Variants in AMBRA1 observed in about 807,000 individuals in gnomAD.
The protein encoded by AMBRA1 is activating molecule in BECN1-regulated autophagy protein 1.
AMBRA1 carries 47 observed loss-of-function variants against 125.4 expected under a neutral mutation model. The ratio of observed to expected loss-of-function variants is 0.37; its 90% CI spans 0.30 to 0.48. The LOEUF (loss-of-function observed/expected upper bound fraction) is 0.48, where lower values mean the gene tolerates loss of function less well. Ranked by LOEUF, AMBRA1 falls within the 20% of genes least tolerant of loss-of-function variation. The probability of loss-of-function intolerance (pLI) is 0.99; values close to 1 mark genes in which losing one functional copy is unlikely to be tolerated. For missense variants in AMBRA1, 1,331 were observed against 1,693.4 expected (o/e 0.79, Z 3.76); for synonymous variants, 626 against 655.5 (o/e 0.95, Z 0.69).
intron 14 of AMBRA1, chr11:46,429,065 A>C: frequency 6.2e-7 from 1 of 1,610,518 alleles, no homozygotes; most frequent in African/African-American, 1.3e-5. Flanking sequence ...GTGCTTAGGC[A>C]TGTGGACATC....
At chr11:46,583,401 G>A (rs1379816559) in intron 1 of AMBRA1, among the ~76,000 whole-genome samples, 2 of 151,762 alleles carry the variant, frequency 1.3e-5, no homozygotes, top group Admixed American at 1.3e-4. Flanking sequence ...AAAAACGCTA[G>A]AAGAAAACCT....
intron 7 of AMBRA1, among the ~76,000 whole-genome samples, chr11:46,534,365 G>A (rs1455252409): frequency 6.6e-6 from 1 of 151,876 alleles, no homozygotes; most frequent in Non-Finnish European, 1.5e-5. Context: ...CGTGGTGGCA[G>A]GCGCCTGTAA....
intron 1 of AMBRA1, among the ~76,000 whole-genome samples, chr11:46,564,541 TATAC>T (rs1157832481): frequency 6.6e-6 from 1 of 151,798 alleles, no homozygotes; most frequent in East Asian, 1.9e-4. Context: ...CTCTAACCAT[TATAC>T]AATACTGCTT....
chr11:46,451,629 G>GA (rs1278130811), intron 11 of AMBRA1, among the ~76,000 whole-genome samples: 1 of 151,906 alleles, frequency 6.6e-6, no homozygotes, highest in Non-Finnish European at 1.5e-5. Flanking sequence ...TGCAAAGAAG[G>GA]AAATGATTAA....
Position 46,542,864 on chromosome 11 carries a change from T to A in AMBRA1, c.1153A>T (p.Asn385Tyr). 1 of 1,613,298 alleles carries A rather than the reference T, an allele frequency of 6.2e-7. No individual in the cohort carries two copies. Among genetic ancestry groups the A allele is most frequent in the South Asian group, 1.1e-5 (1 of 91,036 alleles). The change falls in exon 7 of 18, where the codon AAC (asparagine) becomes TAC (tyrosine). Residue 385 changes from asparagine to tyrosine, a missense_variant. Transcript: ENST00000683756. The surrounding 1 kb of genome is among the most constrained non-coding windows in gnomAD (Gnocchi z 5.9). ...QSSTAGNTLR[N>Y]LSLGPTRRSL... ...CGGCGGGTAGGACCCAGACTGAGGTTGCGGAGCGTGTTGCCGGCAGTGCTG... is the reference window on the plus strand; with the variant it reads ...CGGCGGGTAGGACCCAGACTGAGGTAGCGGAGCGTGTTGCCGGCAGTGCTG...
chr11:46,471,814 G>GCC (rs1198279843), intron 11 of AMBRA1, among the ~76,000 whole-genome samples: 5 of 151,776 alleles, frequency 3.3e-5, no homozygotes, highest in African/African-American at 9.7e-5. Flanking sequence ...TTTTAGTAGA[G>GCC]ATGGGGTTTC....
intron 11 of AMBRA1, among the ~76,000 whole-genome samples, chr11:46,448,710 C>A (rs145536763): frequency 1.1e-4 from 17 of 151,576 alleles, no homozygotes; most frequent in Non-Finnish European, 2.2e-4. Flanking sequence ...AGGCCAACTA[C>A]GAAAAAAGAG....
chr11:46,436,926 G>A (rs2136722895), intron 12 of AMBRA1, among the ~76,000 whole-genome samples: 1 of 152,246 alleles, frequency 6.6e-6, no homozygotes, highest in South Asian at 2.1e-4. Flanking sequence ...AGACTCTATG[G>A]GCTTTAAGAC....
At chr11:46,544,969 A>C (rs1280430103) in intron 5 of AMBRA1, among the ~76,000 whole-genome samples, 2 of 151,780 alleles carry the variant, frequency 1.3e-5, no homozygotes, top group Non-Finnish European at 1.5e-5. Context: ...CTACGAAAAA[A>C]TTTAAAAATT....
At chr11:46,450,792 T>C (rs1948550927) in intron 11 of AMBRA1, among the ~76,000 whole-genome samples, 1 of 152,198 alleles carries the variant, frequency 6.6e-6, no homozygotes, top group Non-Finnish European at 1.5e-5. Flanking sequence ...TACTACAATG[T>C]TGGATACATG....
chr11:46,474,519 G>C (rs1949733428), intron 11 of AMBRA1, among the ~76,000 whole-genome samples: 1 of 152,148 alleles, frequency 6.6e-6, no homozygotes, highest in African/African-American at 2.4e-5. Flanking sequence ...CTCCCGAGTA[G>C]CTGGGACTAC....
At chr11:46,533,414 T>C (rs1305854623) in intron 7 of AMBRA1, among the ~76,000 whole-genome samples, 1 of 152,240 alleles carries the variant, frequency 6.6e-6, no homozygotes, top group Admixed American at 6.5e-5. Context: ...TCTTGTTTAC[T>C]ATTAATTTTT....
At chr11:46,569,787 T>C (rs2043690395) in intron 1 of AMBRA1, among the ~76,000 whole-genome samples, 1 of 150,580 alleles carries the variant, frequency 6.6e-6, no homozygotes, top group African/African-American at 2.4e-5. Flanking sequence ...ATGAGAGAAA[T>C]CCCATCTCTA....
chr11:46,397,265 A>G lies in AMBRA1; in HGVS notation c.*185T>C. On this transcript the variant is annotated 3_prime_UTR_variant, in exon 18 of 18. Transcript: ENST00000683756. ...GATCCTGGAAGGTTCTAGTTCCCCG[A>G]GGCAGGCCTTGCCCATTTGACTGTC... 1.4e-6 allele frequency: 1 copy of G among 734,822 alleles called. No individual in the cohort carries two copies. The highest frequency in any genetic ancestry group is 1.9e-6 in the Non-Finnish European group (1 of 522,898). 45.5% of individuals were successfully genotyped at this position (734,822 alleles called of 1,614,324 possible).
chr11:46,582,637 TC>T (rs2135317478), intron 1 of AMBRA1, among the ~76,000 whole-genome samples: 1 of 152,328 alleles, frequency 6.6e-6, no homozygotes, highest in African/African-American at 2.4e-5. Flanking sequence ...GAATCCTGGT[TC>T]TGCCATTTGC....
At chr11:46,554,796 A>G (rs757920137) in intron 1 of AMBRA1, among the ~76,000 whole-genome samples, 6 of 152,166 alleles carry the variant, frequency 3.9e-5, no homozygotes, top group Non-Finnish European at 8.8e-5. Flanking sequence ...AAGTTTCCCA[A>G]TCTGTCCCTT....
chr11:46,480,286 C>A (rs950412245), intron 11 of AMBRA1, among the ~76,000 whole-genome samples: 2 of 152,132 alleles, frequency 1.3e-5, no homozygotes, highest in African/African-American at 4.8e-5. Flanking sequence ...ACCTCTTAGG[C>A]AGATCATTAT....
chr11:46,397,240 G>C lies in AMBRA1; in HGVS notation c.*210C>G. On this transcript the variant is annotated 3_prime_UTR_variant, in exon 18 of 18. Coordinates refer to ENST00000683756, the MANE Select transcript of AMBRA1 (RefSeq NM_001387011.1). The stretch of plus-strand genomic sequence containing the variant: ...CACAGTGTGGCTCTCCCGGGCTCCA[G>C]ATCCTGGAAGGTTCTAGTTCCCCGA... 1 of 551,714 alleles carries C rather than the reference G, an allele frequency of 1.8e-6. No homozygotes were observed. The highest frequency in any genetic ancestry group is 2.8e-6 in the Non-Finnish European group (1 of 362,012). 34.2% of individuals were successfully genotyped at this position (551,714 alleles called of 1,614,324 possible).
intron 1 of AMBRA1, among the ~76,000 whole-genome samples, chr11:46,586,962 C>T (rs1330164219): frequency 6.6e-6 from 1 of 152,138 alleles, no homozygotes; most frequent in Non-Finnish European, 1.5e-5. Context: ...TAATCCTCTC[C>T]AACTCAGCAA....
Sources: gnomAD v4.1 joint callset for allele counts (sites outside exome capture counted in the v4.1 genomes callset) on GRCh38, gnomAD v4.1.1 for gene constraint, Gnocchi (gnomAD v3.1) non-coding constraint, MANE v1.5 for transcripts, NCBI Gene and HGNC (gene_info 2026-07-23, HGNC 2026-07-21) for gene names.